Variants in MAN2B1 observed in about 807,000 individuals in gnomAD.
MAN2B1 encodes lysosomal alpha-mannosidase.
Under a neutral mutation model 127.5 loss-of-function variants are expected in MAN2B1, and 99 were observed. That is an observed-to-expected ratio of 0.78 (90% CI 0.66 to 0.92). MAN2B1 has a LOEUF of 0.92. MAN2B1 is among the 40% of genes least tolerant of loss of function. MAN2B1 has a pLI of 0.00. For synonymous variants in MAN2B1, 573 were observed against 568.8 expected (o/e 1.01, Z -0.11); for missense variants, 1,304 against 1,384.8 (o/e 0.94, Z 0.93).
intron 13 of MAN2B1, chr19:12,656,284 C>G: frequency 6.3e-6 from 3 of 473,706 alleles, no homozygotes; most frequent in Admixed American, 3.7e-5. Flanking sequence ...TATAATCCAG[C>G]AGGCGGAGTT....
In MAN2B1 at chr19:12,648,174, C is replaced by A. The variant is rs771953225; in HGVS notation, c.2664+1G>T. The A allele has an allele frequency of 1.3e-6, 2 of 1,536,162 alleles. No individual in the cohort carries two copies. The highest frequency in any genetic ancestry group is 1.7e-6 in the Non-Finnish European group (2 of 1,146,930). On this transcript the variant is annotated splice_donor_variant, in intron 21 of 23. Transcript: ENST00000456935. LOFTEE classifies it high-confidence loss of function. ...TCTCTGCCTACCCCGCTGCCCCTCA[C>A]CTGCGTGCGCGGAGGAGCCCCGAGA...
intron 16 of MAN2B1, among the ~76,000 whole-genome samples, chr19:12,651,404 T>C (rs187004776): frequency 6.6e-6 from 1 of 152,204 alleles, no homozygotes; most frequent in African/African-American, 2.4e-5. Context: ...AAACTGAATA[T>C]TGGGGAAGGC....
At chr19:12,651,109 G>T (rs762491767) in intron 16 of MAN2B1, among the ~76,000 whole-genome samples, 38 of 151,992 alleles carry the variant, frequency 2.5e-4, no homozygotes, top group Admixed American at 5.9e-4. Flanking sequence ...TTACAGGCAT[G>T]AGCCACTGCA....
chr19:12,657,449 G>A lies in MAN2B1; in HGVS notation c.1416C>T (p.Cys472=). ...TCCCAAGTCTCGCCCCGCGCACCTC[G>A]CAAGGCCCCCAGCCTGCCGCAAGCT... The part of the protein sequence containing the change: ...ARQLAAGWGP[C]EVLLSNALAR... The change falls in exon 11 of 24, where the codon TGC becomes TGT. Residue 472 remains cysteine, a synonymous_variant. Transcript: ENST00000456935. 6.4e-7 allele frequency: 1 copy of A among 1,550,902 alleles called. No individual in the cohort carries two copies. Among genetic ancestry groups the A allele is most frequent in the Non-Finnish European group, 8.7e-7 (1 of 1,148,114 alleles).
chr19:12,648,443 T>C (rs935084853), intron 20 of MAN2B1, 41 bp from the exon 21 acceptor site: 1 of 1,498,558 alleles, frequency 6.7e-7, no homozygotes, highest in Middle Eastern at 1.7e-4. Context: ...AGTCGTGGGT[T>C]TGTGGGTGTC....
chr19:12,658,490 G>A lies in MAN2B1; in HGVS notation c.1047C>T (p.Val349=). 1.2e-6 allele frequency: 2 copies of A among 1,614,176 alleles called. No individual in the cohort carries two copies. The highest frequency in any genetic ancestry group is 1.7e-6 in the Non-Finnish European group (2 of 1,180,036). Reference sequence around the variant, plus strand: ...AAGCGGGGGTGGAGTAGAGAACATGGACACTGCTTCCTTTTGCCTGCTGCT... The same window carrying A: ...AAGCGGGGGTGGAGTAGAGAACATGAACACTGCTTCCTTTTGCCTGCTGCT... The part of the protein sequence containing the change: ...VNAQQAKGSS[V]HVLYSTPACY... The change falls in exon 8 of 24, where the codon GTC becomes GTT. Residue 349 remains valine, a synonymous_variant. Coordinates refer to ENST00000456935, the MANE Select transcript of MAN2B1 (RefSeq NM_000528.4).
chr19:12,652,536 CT>C (rs71168621), intron 14 of MAN2B1, 76 bp from the exon 15 acceptor site: 16,690 of 746,870 alleles, frequency 0.022, 2 homozygotes, highest in East Asian at 0.095. Context: ...TTTCTTTTTT[CT>C]TTTTTTTTTT....
At chr19:12,665,875 T>C in intron 1 of MAN2B1, 70 bp from the exon 2 acceptor site, 1 of 1,245,322 alleles carries the variant, frequency 8.0e-7, no homozygotes, top group Middle Eastern at 1.9e-4. Context: ...GAGTAAGTCT[T>C]GATCTAGAGG....
intron 7 of MAN2B1, 86 bp downstream of exon 7, chr19:12,661,172 GAC>G (rs2024093436): frequency 2.3e-6 from 2 of 879,694 alleles, no homozygotes; most frequent in African/African-American, 1.7e-5. Context: ...AGAAAACAAA[GAC>G]AGCACTGAGA....
At position 12,647,215 on chromosome 19, in the gene MAN2B1, C is replaced by T; in HGVS notation, c.2923+18G>A. The T allele has an allele frequency of 6.2e-7, 1 of 1,606,410 alleles. No individual in the cohort carries two copies. Among genetic ancestry groups the T allele is most frequent in the Non-Finnish European group, 8.5e-7 (1 of 1,173,104 alleles). On this transcript the variant is annotated intron_variant, in intron 23 of 23. Transcript: ENST00000456935. The surrounding 1 kb of genome is among the most constrained non-coding windows in gnomAD (Gnocchi z 4.9). Reference sequence around the variant, plus strand: ...AGGTAAGACTCCACCCCTTCCCTACCCCTGACCAGGGCCCCACCTGTGTTT... The same window carrying T: ...AGGTAAGACTCCACCCCTTCCCTACTCCTGACCAGGGCCCCACCTGTGTTT...
Position 12,657,498 on chromosome 19 carries a change from T to C in MAN2B1, c.1367A>G (p.His456Arg). ...CTGGCGCGCGTAGTCGTTGGCCACG[T>C]GCTGGCGGGAGGTGCCGCTGACGGC... ...HDAVSGTSRQHVANDYARQLA... is the reference protein window; with the variant it reads ...HDAVSGTSRQRVANDYARQLA... The change falls in exon 11 of 24, where the codon CAC becomes CGC. Residue 456 changes from histidine to arginine, a missense_variant. By Grantham distance (29) the His-to-Arg change is conservative. Transcript: ENST00000456935. The C allele has an allele frequency of 9.5e-6, 15 of 1,571,328 alleles. No homozygotes were observed. The highest frequency in any genetic ancestry group is 1.1e-5 in the Non-Finnish European group (13 of 1,158,912).
chr19:12,662,927 G>C (rs1042803948), intron 6 of MAN2B1, among the ~76,000 whole-genome samples: 7 of 141,404 alleles, frequency 5.0e-5, no homozygotes, highest in African/African-American at 1.9e-4. Context: ...GACAGAGCAA[G>C]ACTCTGTCTC....
intron 14 of MAN2B1, among the ~76,000 whole-genome samples, chr19:12,654,174 C>T (rs373420205): frequency 1.3e-5 from 2 of 151,832 alleles, no homozygotes; most frequent in African/African-American, 4.8e-5. Flanking sequence ...TCCCGAGTAA[C>T]TGGGACTACA....
intron 14 of MAN2B1, among the ~76,000 whole-genome samples, chr19:12,653,394 C>CA (rs887468340): frequency 4.9e-5 from 4 of 82,402 alleles, no homozygotes; most frequent in Non-Finnish European, 1.2e-4. Context: ...ATCCACCCCC[C>CA]CCTCAGCCTC....
intron 7 of MAN2B1, among the ~76,000 whole-genome samples, chr19:12,659,459 G>A (rs1296585140): frequency 3.3e-5 from 5 of 151,834 alleles, no homozygotes; most frequent in African/African-American, 9.7e-5. Flanking sequence ...GTGCCATCAC[G>A]CCCACCTAAT....
intron 14 of MAN2B1, among the ~76,000 whole-genome samples, chr19:12,653,287 C>T (rs903266768): frequency 6.6e-6 from 1 of 151,860 alleles, no homozygotes; most frequent in Admixed American, 6.6e-5. Context: ...GCTGGGACTA[C>T]AGGCACATGC....
rs1444885454 is a variant in MAN2B1 at position 12,664,917 on chromosome 19, C to T, written c.505G>A (p.Val169Met). The T allele has an allele frequency of 3.1e-6, 5 of 1,614,180 alleles. No homozygotes were observed. Among genetic ancestry groups the T allele is most frequent in the Non-Finnish European group, 4.2e-6 (5 of 1,180,030 alleles). Residue 169 changes from valine (V) to methionine (M), a missense_variant, in exon 4 of 24, where the codon GTG (valine) becomes ATG (methionine). Transcript: ENST00000456935. ...DEAATHYGAI[V>M]DQMTLGLRFL... ...CGCAGCCCAAGTGTCATCTGGTCCA[C>T]GATGGCACCGTAGTGGGTGGCTGCC...
In MAN2B1 at chr19:12,666,609, C is replaced by T. The variant is rs2024252312; in HGVS notation, c.93G>A (p.Pro31=). The T allele has an allele frequency of 1.9e-6, 3 of 1,563,202 alleles. No homozygotes were observed. The highest frequency in any genetic ancestry group is 1.2e-5 in the South Asian group (1 of 85,390). ...AAAGGAAAAAGCAGAGAGGCGGGAG[C>T]GGTGGCCGCAGGGCGCGGGACATGG... ...PWTMSRALRP[P]LPPLCFFLLL... Residue 31 remains proline (P), a synonymous_variant, in exon 1 of 24, where the codon CCG becomes CCA. Coordinates refer to ENST00000456935, the MANE Select transcript of MAN2B1 (RefSeq NM_000528.4).
chr19:12,659,299 T>A (rs1445984597), intron 7 of MAN2B1, among the ~76,000 whole-genome samples: 5 of 54,340 alleles, frequency 9.2e-5, no homozygotes, highest in African/African-American at 4.9e-4. Flanking sequence ...TCAATAAACT[T>A]TTTTTTTTTT....
Sources: gnomAD v4.1 joint callset for allele counts (sites outside exome capture counted in the v4.1 genomes callset) on GRCh38, gnomAD v4.1.1 for gene constraint, Gnocchi (gnomAD v3.1) non-coding constraint, MANE v1.5 for transcripts, NCBI Gene and HGNC (gene_info 2026-07-23, HGNC 2026-07-21) for gene names.